ZDHHC11B: variants seen among roughly 807,000 people sequenced by gnomAD.
ZDHHC11B encodes zDHHC palmitoyltransferase 11B (putative), also known as probable palmitoyltransferase ZDHHC11B.
In ZDHHC11B, 17 loss-of-function variants were observed where a neutral mutation model predicts 42.3. The observed-to-expected ratio is 0.40, with a 90% CI of 0.27 to 0.60. The LOEUF (loss-of-function observed/expected upper bound fraction) is 0.60. Among genes scored for constraint, ZDHHC11B ranks in the 20% least tolerant of loss-of-function variants. The pLI, the probability that ZDHHC11B is intolerant of heterozygous loss-of-function variation, is 0.41. For synonymous variants in ZDHHC11B, 123 were observed against 193.5 expected (o/e 0.64, Z 3.02); for missense variants, 262 against 463.2 (o/e 0.57, Z 3.99).
In ZDHHC11B at chr5:739,096, C is replaced by CAA. The variant is rs113684681; in HGVS notation, c.935+2496_935+2497dup. Among the ~76,000 whole-genome samples, 65 of 145,390 alleles carry CAA rather than the reference C, an allele frequency of 4.5e-4. 8 individuals are homozygous for CAA. The highest frequency in any genetic ancestry group is 1.6e-3 in the African/African-American group (63 of 39,532). On this transcript the variant is annotated intron_variant, in intron 10 of 13. Transcript: ENST00000508859. ...TCTAAAAGGAACTCAAACAAATCCG[C>CAA]AAAAAAAAAACAAATCATCCAATTG...
At chr5:717,948 G>C (rs1741881205) in intron 12 of ZDHHC11B, among the ~76,000 whole-genome samples, 1 of 151,814 alleles carries the variant, frequency 6.6e-6, no homozygotes, top group African/African-American at 2.4e-5. Flanking sequence ...TTATTGCAGG[G>C]GGAGCAGTAG....
chr5:726,851 C>T (rs1742639051), intron 12 of ZDHHC11B, among the ~76,000 whole-genome samples: 2 of 109,342 alleles, frequency 1.8e-5, no homozygotes, highest in Non-Finnish European at 3.7e-5. Flanking sequence ...AGTTTACAAT[C>T]CTGGTCACAA....
At chr5:776,761 AGGT>A (rs1466584615) in intron 1 of ZDHHC11B, among the ~76,000 whole-genome samples, 1 of 151,940 alleles carries the variant, frequency 6.6e-6, no homozygotes, top group African/African-American at 2.4e-5. Context: ...CCTGCCGAGG[AGGT>A]GCTTCCCCAT....
intron 3 of ZDHHC11B, among the ~76,000 whole-genome samples, 179 bp downstream of exon 3, chr5:767,213 G>C (rs576736345): frequency 6.6e-6 from 1 of 151,988 alleles, no homozygotes; most frequent in Non-Finnish European, 1.5e-5. Context: ...CTGGGCAGAG[G>C]ACCTGGCCTG....
At chr5:771,582 C>T (rs677676) in intron 1 of ZDHHC11B, among the ~76,000 whole-genome samples, 1 of 150,946 alleles carries the variant, frequency 6.6e-6, no homozygotes, top group African/African-American at 2.4e-5. Context: ...AGCCAGGAAC[C>T]GTTTCCAGTT....
chr5:736,304 C>A (rs1037701530), intron 10 of ZDHHC11B, among the ~76,000 whole-genome samples: 1 of 149,784 alleles, frequency 6.7e-6, no homozygotes, highest in East Asian at 2.0e-4. Flanking sequence ...TAACGAGGAA[C>A]CCCCCAAATT....
chr5:715,175 C>T (rs1271483693), intron 13 of ZDHHC11B, among the ~76,000 whole-genome samples: 11 of 151,012 alleles, frequency 7.3e-5, no homozygotes, highest in Middle Eastern at 3.4e-3. Context: ...GACTAAGACA[C>T]GCCTTGTGTC....
chr5:717,738 A>G (rs1741862495), intron 12 of ZDHHC11B, among the ~76,000 whole-genome samples: 1 of 151,836 alleles, frequency 6.6e-6, no homozygotes, highest in African/African-American at 2.4e-5. Context: ...GAGCTGATGC[A>G]GAAGGCCATG....
Position 777,909 on chromosome 5 carries a change from G to T in ZDHHC11B, c.-230+6759C>A, listed in dbSNP as rs992476686. Among the ~76,000 whole-genome samples, 72 of 151,248 alleles carry T rather than the reference G, an allele frequency of 4.8e-4. 1 individual carries two copies. The highest frequency in any genetic ancestry group is 1.7e-3 in the African/African-American group (72 of 41,422). On this transcript the variant is annotated intron_variant, in intron 1 of 13. Coordinates refer to ENST00000508859, the MANE Select transcript of ZDHHC11B (RefSeq NM_001351303.2). Reference sequence around the variant, plus strand: ...GGCCCCAGCACCGAGGGAGCCCGGGGCGGGGGAGGGGGGGCGTGGCCTCGG... The same window carrying T: ...GGCCCCAGCACCGAGGGAGCCCGGGTCGGGGGAGGGGGGGCGTGGCCTCGG...
In ZDHHC11B at chr5:766,743, G is replaced by C. The variant is rs777782294; in HGVS notation, c.177C>G (p.Ile59Met). 2 of 1,612,090 alleles carry C rather than the reference G, an allele frequency of 1.2e-6. No homozygotes were observed. Among genetic ancestry groups the C allele is most frequent in the East Asian group, 4.5e-5 (2 of 44,844 alleles). Reference protein sequence around the residue: ...FVGLSLATFRIFIPLLPHSWK... With the variant: ...FVGLSLATFRMFIPLLPHSWK... ...ACGAGTGAGGCAGGAGGGGAATGAA[G>C]ATCCTGAAGGTGGCCAAGGAAAGGC... Residue 59 changes from isoleucine to methionine, a missense_variant, in exon 4 of 14, where the codon ATC (isoleucine) becomes ATG (methionine). By Grantham distance (10) the Ile-to-Met change is conservative (BLOSUM62 1). This residue lies in a region of ZDHHC11B where 97 missense variants were observed against 98.1 expected (regional missense o/e 0.99). Transcript: ENST00000508859.
chr5:749,753 C>T (rs1745359348), intron 7 of ZDHHC11B, among the ~76,000 whole-genome samples: 1 of 130,790 alleles, frequency 7.6e-6, no homozygotes, highest in African/African-American at 2.6e-5. Flanking sequence ...GCCACCTCTG[C>T]TCTCTCACTC....
chr5:746,627 C>T (rs1404917807), intron 8 of ZDHHC11B, among the ~76,000 whole-genome samples: 1 of 148,270 alleles, frequency 6.7e-6, no homozygotes, highest in Non-Finnish European at 1.5e-5. Flanking sequence ...CACTTCCCTG[C>T]TCTGCCACCT....
intron 4 of ZDHHC11B, among the ~76,000 whole-genome samples, chr5:758,285 A>T (rs1734125786): frequency 6.6e-6 from 1 of 151,924 alleles, no homozygotes; most frequent in East Asian, 1.9e-4. Context: ...CCTCACTGGA[A>T]ACCAGTGGCA....
intron 10 of ZDHHC11B, among the ~76,000 whole-genome samples, chr5:737,126 GAGAT>G (rs1743615966): frequency 6.7e-6 from 1 of 149,494 alleles, no homozygotes; most frequent in Non-Finnish European, 1.5e-5. Context: ...AATGAAATGA[GAGAT>G]AGCACAACTG....
chr5:729,298 C>T (rs192547231), intron 12 of ZDHHC11B, among the ~76,000 whole-genome samples: 2,429 of 151,032 alleles, frequency 0.016, 36 homozygotes, highest in Middle Eastern at 0.044. Flanking sequence ...GCCATCTGGC[C>T]CCCCTGAGCA....
At chr5:730,390 G>T in intron 12 of ZDHHC11B, 44 bp downstream of exon 12, 2 of 1,565,442 alleles carry the variant, frequency 1.3e-6, no homozygotes, top group Non-Finnish European at 1.7e-6. Flanking sequence ...GTTCAGGCAA[G>T]TGTACAGACA....
At chr5:737,750 C>T in intron 10 of ZDHHC11B, among the ~76,000 whole-genome samples, 1 of 149,334 alleles carries the variant, frequency 6.7e-6, no homozygotes, top group East Asian at 2.0e-4. Flanking sequence ...CAAACTCTGC[C>T]ATCCCTTTAT....
intron 9 of ZDHHC11B, among the ~76,000 whole-genome samples, chr5:743,354 A>C (rs1255873079): frequency 8.8e-5 from 13 of 148,366 alleles, no homozygotes; most frequent in Non-Finnish European, 1.8e-4. Flanking sequence ...CTCCAATTTT[A>C]TTTTTTCTCA....
In ZDHHC11B at chr5:777,824, C is replaced by T. The variant is rs1183346286; in HGVS notation, c.-230+6844G>A. On this transcript the variant is annotated intron_variant, in intron 1 of 13. Coordinates refer to ENST00000508859, the MANE Select transcript of ZDHHC11B (RefSeq NM_001351303.2). ...TGCCCGCCAGTACTGCGCCACGCGC[C>T]CGCACTCCTCAGCCCTTGGGCGGTC... Among the ~76,000 whole-genome samples, 17 of 151,982 alleles carry T rather than the reference C, an allele frequency of 1.1e-4. 1 individual carries two copies. Among genetic ancestry groups the T allele is most frequent in the African/African-American group, 4.1e-4 (17 of 41,374 alleles).
Sources: allele counts gnomAD v4.1 joint callset (sites outside exome capture counted in the v4.1 genomes callset), GRCh38; gene constraint gnomAD v4.1.1; regional missense constraint gnomAD v4.1.1; transcripts MANE v1.5; gene names NCBI Gene and HGNC (gene_info 2026-07-23, HGNC 2026-07-21).